ROBO2: variants seen among roughly 807,000 people sequenced by gnomAD.
The protein encoded by ROBO2 is roundabout homolog 2.
Under a neutral mutation model 160.8 loss-of-function variants are expected in ROBO2, and 53 were observed. The observed-to-expected ratio is 0.33, with a 90% CI of 0.26 to 0.41. The LOEUF is 0.41. ROBO2 is among the 10% of genes least tolerant of loss of function. The pLI, the probability that ROBO2 is intolerant of heterozygous loss-of-function variation, is 1.00. For synonymous variants in ROBO2, 664 were observed against 611.7 expected (o/e 1.09, Z -1.26); for missense variants, 1,577 against 1,722.4 (o/e 0.92, Z 1.49).
At chr3:76,966,202 G>A (rs149210551) in intron 2 of ROBO2, among the ~76,000 whole-genome samples, 21,472 of 152,000 alleles carry the variant, frequency 0.14, 1,806 homozygotes, top group South Asian at 0.19. Context: ...GATTACAGGC[G>A]TGAGCCACCG....
At chr3:76,775,333 G>C (rs1230124965) in intron 2 of ROBO2, among the ~76,000 whole-genome samples, 2 of 150,652 alleles carry the variant, frequency 1.3e-5, no homozygotes, top group Non-Finnish European at 3.0e-5. Context: ...CTCTTCAAAA[G>C]TATTTCTTCT....
intron 2 of ROBO2, among the ~76,000 whole-genome samples, chr3:77,390,526 C>A (rs1486896430): frequency 6.6e-6 from 1 of 152,070 alleles, no homozygotes; most frequent in Non-Finnish European, 1.5e-5. Context: ...TCTCGCCTGC[C>A]ACCATATAAG....
intron 2 of ROBO2, among the ~76,000 whole-genome samples, chr3:77,012,179 A>G (rs1028091378): frequency 1.4e-4 from 22 of 152,122 alleles, no homozygotes; most frequent in African/African-American, 5.3e-4. Context: ...ATACTTCGGG[A>G]ATGTGTACAG....
At chr3:75,992,941 A>G (rs598075) in intron 2 of ROBO2, among the ~76,000 whole-genome samples, 108,513 of 152,136 alleles carry the variant, frequency 0.71, 41,586 homozygotes, top group South Asian at 0.89. Flanking sequence ...GTTTTGGCCA[A>G]TTTCTCCCAT....
intron 2 of ROBO2, among the ~76,000 whole-genome samples, chr3:77,317,755 G>A (rs1161086548): frequency 1.8e-4 from 3 of 16,812 alleles, no homozygotes; most frequent in African/African-American, 1.1e-3. Context: ...CTGCTGGGGG[G>A]CTGCTGGGGG....
At chr3:77,561,712 T>A (rs2093327349) in intron 9 of ROBO2, among the ~76,000 whole-genome samples, 1 of 152,124 alleles carries the variant, frequency 6.6e-6, no homozygotes, top group Admixed American at 6.6e-5. Context: ...ATAGCCACAT[T>A]TTTTTAATGA....
chr3:76,621,441 G>A (rs1055562614), intron 2 of ROBO2, among the ~76,000 whole-genome samples: 1 of 152,172 alleles, frequency 6.6e-6, no homozygotes, highest in Non-Finnish European at 1.5e-5. Context: ...ATCTTAAAAG[G>A]CTGGTAAAGC....
At chr3:76,446,478 T>C (rs2077188247) in intron 2 of ROBO2, among the ~76,000 whole-genome samples, 1 of 152,092 alleles carries the variant, frequency 6.6e-6, no homozygotes, top group Admixed American at 6.5e-5. Context: ...AGGTAATTAA[T>C]AGATTCAATG....
At chr3:76,918,363 A>T (rs1187773660) in intron 2 of ROBO2, among the ~76,000 whole-genome samples, 1 of 152,136 alleles carries the variant, frequency 6.6e-6, no homozygotes, top group Non-Finnish European at 1.5e-5. Context: ...TTCTGCCATG[A>T]TTGTAAGTTT....
At chr3:76,879,468 A>C (rs553457777) in intron 2 of ROBO2, among the ~76,000 whole-genome samples, 30 of 151,946 alleles carry the variant, frequency 2.0e-4, no homozygotes, top group Non-Finnish European at 4.3e-4. Flanking sequence ...CAAGAAGTGA[A>C]CTCTCTTCCT....
chr3:76,677,258 A>G (rs1701455453), intron 2 of ROBO2, among the ~76,000 whole-genome samples: 1 of 152,116 alleles, frequency 6.6e-6, no homozygotes, highest in African/African-American at 2.4e-5. Context: ...AGAAGGAGGA[A>G]CAGGAGAAAT....
chr3:76,716,253 T>C (rs1176701370), intron 2 of ROBO2, among the ~76,000 whole-genome samples: 3 of 152,230 alleles, frequency 2.0e-5, no homozygotes, highest in African/African-American at 7.2e-5. Flanking sequence ...ATACTGTTTT[T>C]GGAGTCTCTA....
chr3:77,165,814 C>G (rs2150687510), intron 2 of ROBO2, among the ~76,000 whole-genome samples: 1 of 152,228 alleles, frequency 6.6e-6, no homozygotes, highest in South Asian at 2.1e-4. Context: ...TCAATCTTTA[C>G]CAAGAGAACC....
intron 1 of ROBO2, among the ~76,000 whole-genome samples, chr3:77,089,990 C>A (rs1175460743): frequency 3.3e-5 from 5 of 152,080 alleles, no homozygotes; most frequent in Non-Finnish European, 5.9e-5. Flanking sequence ...GATATGTTTC[C>A]TTCAGTGAAG....
chr3:76,687,583 GC>G (rs2092712585), intron 2 of ROBO2, among the ~76,000 whole-genome samples: 1 of 151,884 alleles, frequency 6.6e-6, no homozygotes, highest in Admixed American at 6.6e-5. Context: ...GGCTTCAACA[GC>G]CCCTGGAGAC....
At chr3:76,069,105 A>G (rs2068358714) in intron 2 of ROBO2, among the ~76,000 whole-genome samples, 1 of 152,082 alleles carries the variant, frequency 6.6e-6, no homozygotes. Flanking sequence ...CCAATTTTCA[A>G]GTTTTTAATC....
intron 2 of ROBO2, among the ~76,000 whole-genome samples, chr3:77,007,405 TCATGCCATA>T (rs1196294949): frequency 6.6e-6 from 1 of 152,094 alleles, no homozygotes; most frequent in East Asian, 1.9e-4. Context: ...ACATCCATCC[TCATGCCATA>T]CATTATTCTA....
intron 2 of ROBO2, among the ~76,000 whole-genome samples, chr3:76,763,412 G>A (rs2061410212): frequency 6.6e-6 from 1 of 151,674 alleles, no homozygotes; most frequent in South Asian, 2.1e-4. Flanking sequence ...CAGGCACTTA[G>A]TAGCTGACTA....
At chr3:76,452,744 C>T (rs1340293285) in intron 2 of ROBO2, among the ~76,000 whole-genome samples, 1 of 152,298 alleles carries the variant, frequency 6.6e-6, no homozygotes, top group Non-Finnish European at 1.5e-5. Context: ...CCTGACGAAT[C>T]GCCACACTGA....
Sources: allele counts gnomAD v4.1 joint callset (sites outside exome capture counted in the v4.1 genomes callset), GRCh38; gene constraint gnomAD v4.1.1; transcripts MANE v1.5; gene names NCBI Gene and HGNC (gene_info 2026-07-23, HGNC 2026-07-21).